CCDC102B: variants seen among roughly 807,000 people sequenced by gnomAD.
CCDC102B encodes coiled-coil domain containing 102B, also known as coiled-coil domain-containing protein 102B.
A neutral mutation model predicts 57.4 loss-of-function variants in CCDC102B; 75 were observed. That is an observed-to-expected ratio of 1.31 (90% CI 1.08 to 1.58). CCDC102B has a LOEUF of 1.58. Among genes scored for constraint, CCDC102B ranks in the 40% most tolerant of loss-of-function variants. The probability of loss-of-function intolerance (pLI) is 0.00; values close to 1 mark genes in which losing one functional copy is unlikely to be tolerated. For synonymous variants in CCDC102B, 206 were observed against 201.9 expected, an observed-to-expected ratio of 1.02 and a Z score of -0.17; for missense variants, 636 against 582.6, an observed-to-expected ratio of 1.09 and a Z score of -0.94.
chr18:68,851,922 A>G (rs2038145465), intron 4 of CCDC102B, among the ~76,000 whole-genome samples: 1 of 152,216 alleles, frequency 6.6e-6, no homozygotes, highest in African/African-American at 2.4e-5. Context: ...GATAGTTTCC[A>G]GAGACTAATG....
intron 2 of CCDC102B, among the ~76,000 whole-genome samples, chr18:68,731,651 T>A (rs561196710): frequency 2.0e-5 from 3 of 150,822 alleles, no homozygotes; most frequent in Admixed American, 2.0e-4. Context: ...TATAAACAAT[T>A]TTGTATATGT....
intron 5 of CCDC102B, among the ~76,000 whole-genome samples, chr18:68,890,865 G>T (rs2040049919): frequency 6.6e-6 from 1 of 151,940 alleles, no homozygotes. Flanking sequence ...ATAAACATTT[G>T]TTTCATTTTT....
At chr18:68,816,269 G>A (rs982816308) in intron 1 of CCDC102B, among the ~76,000 whole-genome samples, 1 of 152,102 alleles carries the variant, frequency 6.6e-6, no homozygotes, top group Non-Finnish European at 1.5e-5. Context: ...TGTATTGAAT[G>A]TCTACATTGT....
At chr18:68,800,755 T>C (rs2035818475) in intron 1 of CCDC102B, among the ~76,000 whole-genome samples, 1 of 152,082 alleles carries the variant, frequency 6.6e-6, no homozygotes, top group African/African-American at 2.4e-5. Context: ...TATTATCAAA[T>C]AAAGGCATTG....
At chr18:68,775,348 A>T (rs2034775006) in intron 2 of CCDC102B, among the ~76,000 whole-genome samples, 2 of 152,208 alleles carry the variant, frequency 1.3e-5, no homozygotes, top group Non-Finnish European at 1.5e-5. Context: ...TCCTTTTATT[A>T]TATAAGGTCA....
intron 6 of CCDC102B, among the ~76,000 whole-genome samples, chr18:68,985,730 G>A (rs994270041): frequency 6.6e-6 from 1 of 152,092 alleles, no homozygotes; most frequent in African/African-American, 2.4e-5. Context: ...GAAGAGAAAT[G>A]CTCTGGGTTC....
intron 6 of CCDC102B, among the ~76,000 whole-genome samples, chr18:68,986,263 A>C (rs2050720685): frequency 6.6e-6 from 1 of 152,186 alleles, no homozygotes; most frequent in Non-Finnish European, 1.5e-5. Context: ...AGCAAAACTG[A>C]ATCCAGCAGC....
Position 68,836,916 on chromosome 18 carries a change from T to G in CCDC102B, c.153T>G (p.Ser51=), listed in dbSNP as rs777340782. Residue 51 remains serine, a synonymous_variant, in exon 2 of 8, where the codon TCT becomes TCG. Transcript: ENST00000360242. ...NTCFPLHGLQ[S]HAAHNFCAHS... is the part of the protein sequence containing the mutation. Reference sequence around the variant, plus strand: ...GCTTCCCACTTCATGGGCTACAATCTCATGCTGCTCACAATTTCTGTGCTC... The same window carrying G: ...GCTTCCCACTTCATGGGCTACAATCGCATGCTGCTCACAATTTCTGTGCTC... The G allele has an allele frequency of 4.3e-6, 7 of 1,614,102 alleles. No individual in the cohort carries two copies. In the East Asian group the frequency reaches 1.6e-4, roughly 36 times the overall value.
chr18:68,782,823 G>A (rs191046655), intron 2 of CCDC102B, among the ~76,000 whole-genome samples: 1 of 152,104 alleles, frequency 6.6e-6, no homozygotes, highest in African/African-American at 2.4e-5. Context: ...ATTCAACATT[G>A]TTTCTAAAAG....
At chr18:68,889,521 G>T (rs558204124) in intron 5 of CCDC102B, among the ~76,000 whole-genome samples, 45 of 152,300 alleles carry the variant, frequency 3.0e-4, no homozygotes, top group African/African-American at 1.1e-3. Flanking sequence ...CTGGGTTCAA[G>T]CGATTCTCCT....
intron 1 of CCDC102B, among the ~76,000 whole-genome samples, chr18:68,817,262 A>G (rs1378395868): frequency 6.6e-6 from 1 of 152,200 alleles, no homozygotes; most frequent in Admixed American, 6.5e-5. Context: ...TGTTTTCTAG[A>G]TTTCATACAA....
At chr18:69,019,250 C>T (rs1377804065) in intron 7 of CCDC102B, among the ~76,000 whole-genome samples, 1 of 151,944 alleles carries the variant, frequency 6.6e-6, no homozygotes, top group Non-Finnish European at 1.5e-5. Context: ...TGAAAAATAT[C>T]ATTGGAAATT....
intron 7 of CCDC102B, among the ~76,000 whole-genome samples, chr18:69,014,976 A>AGT (rs758831401): frequency 0.027 from 3,062 of 115,502 alleles, 39 homozygotes; most frequent in Non-Finnish European, 0.043. Context: ...AGAGAGAGAG[A>AGT]GAGTGTGTGT....
intron 4 of CCDC102B, among the ~76,000 whole-genome samples, chr18:68,866,246 AG>A (rs1255737009): frequency 3.3e-5 from 5 of 152,196 alleles, no homozygotes; most frequent in Non-Finnish European, 7.3e-5. Flanking sequence ...TAGTAATAAT[AG>A]ATACATACAT....
At chr18:68,768,858 A>C (rs2034547617) in intron 2 of CCDC102B, among the ~76,000 whole-genome samples, 3 of 152,194 alleles carry the variant, frequency 2.0e-5, no homozygotes, top group Admixed American at 2.0e-4. Context: ...AATATGGATA[A>C]GAATTTCTTA....
intron 2 of CCDC102B, among the ~76,000 whole-genome samples, chr18:68,717,335 A>T (rs1365441551): frequency 1.3e-5 from 2 of 152,214 alleles, no homozygotes; most frequent in Non-Finnish European, 2.9e-5. Context: ...GGATCACTGG[A>T]TTGGGGAGAA....
At chr18:68,841,003 T>A (rs1435546445) in intron 3 of CCDC102B, among the ~76,000 whole-genome samples, 2 of 152,170 alleles carry the variant, frequency 1.3e-5, no homozygotes, top group Non-Finnish European at 2.9e-5. Context: ...CTCTCCTCTT[T>A]TAAGAAACAA....
intron 7 of CCDC102B, among the ~76,000 whole-genome samples, chr18:69,028,347 C>T (rs9961769): frequency 0.16 from 24,068 of 152,136 alleles, 1,998 homozygotes; most frequent in Non-Finnish European, 0.17. Context: ...TTCAGCACAG[C>T]TGAAATGCGT....
At chr18:68,877,278 T>A (rs1749348004) in intron 5 of CCDC102B, among the ~76,000 whole-genome samples, 1 of 152,234 alleles carries the variant, frequency 6.6e-6, no homozygotes, top group South Asian at 2.1e-4. Context: ...CAATTAAAAC[T>A]GTAAATATTA....
Sources: gnomAD v4.1 joint callset for allele counts (sites outside exome capture counted in the v4.1 genomes callset) on GRCh38, gnomAD v4.1.1 for gene constraint, MANE v1.5 for transcripts, NCBI Gene and HGNC (gene_info 2026-07-23, HGNC 2026-07-21) for gene names.